PHACTR3: variants seen among roughly 807,000 people sequenced by gnomAD.
The protein encoded by PHACTR3 is phosphatase and actin regulator 3.
In PHACTR3, 16 loss-of-function variants were observed where a neutral mutation model predicts 66.8. The ratio of observed to expected loss-of-function variants is 0.24; its 90% CI spans 0.16 to 0.36. The LOEUF (loss-of-function observed/expected upper bound fraction) is 0.36, where lower values mean the gene tolerates loss of function less well. Among genes scored for constraint, PHACTR3 ranks in the 10% least tolerant of loss-of-function variants. PHACTR3 has a pLI of 1.00. For synonymous variants in PHACTR3, 323 were observed against 292.1 expected (o/e 1.11, Z -1.08); for missense variants, 647 against 719.9 (o/e 0.90, Z 1.16).
At chr20:59,778,390 T>C (rs1182499) in intron 7 of PHACTR3, among the ~76,000 whole-genome samples, 147,643 of 152,230 alleles carry the variant, frequency 0.97, 71,618 homozygotes, top group East Asian at 1. Flanking sequence ...CATGGGCCTC[T>C]TTGATGGTCC....
chr20:59,596,239 G>A (rs903831458), intron 1 of PHACTR3, among the ~76,000 whole-genome samples: 1 of 152,166 alleles, frequency 6.6e-6, no homozygotes, highest in Non-Finnish European at 1.5e-5. Context: ...AGATTCAAGC[G>A]ATTCTCCTGG....
At chr20:59,756,362 G>A (rs1257471405) in intron 4 of PHACTR3, among the ~76,000 whole-genome samples, 2 of 152,208 alleles carry the variant, frequency 1.3e-5, no homozygotes, top group Non-Finnish European at 2.9e-5. Flanking sequence ...CCCCAGGACA[G>A]CCTGCTGGGC....
intron 1 of PHACTR3, among the ~76,000 whole-genome samples, chr20:59,587,147 G>A (rs1196269083): frequency 6.6e-6 from 1 of 152,206 alleles, no homozygotes; most frequent in Non-Finnish European, 1.5e-5. Flanking sequence ...CCCCACAGGT[G>A]GGACCCCGTG....
chr20:59,689,066 A>G (rs1018763882), intron 1 of PHACTR3, among the ~76,000 whole-genome samples: 1 of 152,054 alleles, frequency 6.6e-6, no homozygotes. Flanking sequence ...AGATACCCAC[A>G]CTATCTCATG....
At chr20:59,646,206 G>C (rs967667419) in intron 1 of PHACTR3, among the ~76,000 whole-genome samples, 2 of 152,158 alleles carry the variant, frequency 1.3e-5, no homozygotes, top group African/African-American at 2.4e-5. Flanking sequence ...GTTAGTGGGA[G>C]CCCTGGGGCC....
intron 1 of PHACTR3, among the ~76,000 whole-genome samples, chr20:59,631,987 A>G (rs2034681481): frequency 6.6e-6 from 1 of 152,206 alleles, no homozygotes; most frequent in Non-Finnish European, 1.5e-5. Flanking sequence ...GGGCCTGAGC[A>G]AACACTGACC....
At chr20:59,742,060 C>T (rs2039179872) in intron 1 of PHACTR3, among the ~76,000 whole-genome samples, 1 of 152,218 alleles carries the variant, frequency 6.6e-6, no homozygotes, top group Admixed American at 6.5e-5. Flanking sequence ...TGTGCCCAGC[C>T]CCGGGGTTCC....
chr20:59,748,892 C>T (rs995003012), intron 3 of PHACTR3, among the ~76,000 whole-genome samples: 7 of 152,332 alleles, frequency 4.6e-5, no homozygotes, highest in South Asian at 4.1e-4. Flanking sequence ...ATGAAATAAA[C>T]GAATCCAGAT....
At chr20:59,809,852 C>G (rs763344536) in intron 8 of PHACTR3, among the ~76,000 whole-genome samples, 1 of 152,116 alleles carries the variant, frequency 6.6e-6, no homozygotes, top group Admixed American at 6.5e-5. Context: ...ACTTTATTTA[C>G]AAAAATAGCC....
chr20:59,730,576 T>G (rs1314121612), intron 1 of PHACTR3, among the ~76,000 whole-genome samples: 1 of 152,170 alleles, frequency 6.6e-6, no homozygotes, highest in Admixed American at 6.5e-5. Flanking sequence ...GTGAAAGTGA[T>G]GCTGGACTGC....
At chr20:59,748,852 C>T (rs1301015608) in intron 3 of PHACTR3, among the ~76,000 whole-genome samples, 1 of 152,140 alleles carries the variant, frequency 6.6e-6, no homozygotes, top group African/African-American at 2.4e-5. Context: ...TGTAATTTGG[C>T]CCAAATATCA....
chr20:59,615,385 C>T (rs982971127), intron 1 of PHACTR3, among the ~76,000 whole-genome samples: 1 of 152,150 alleles, frequency 6.6e-6, no homozygotes, highest in African/African-American at 2.4e-5. Context: ...GTGCATGGAG[C>T]ATGGTGTGAG....
In PHACTR3 at chr20:59,609,903, A is replaced by C. The variant is rs73301417; in HGVS notation, c.118+4771A>C. Among the ~76,000 whole-genome samples the C allele has an allele frequency of 5.5e-3, 843 of 152,346 alleles. 8 individuals carry two copies. Among genetic ancestry groups the C allele is most frequent in the African/African-American group, 0.019 (790 of 41,566 alleles). On this transcript the variant is annotated intron_variant, in intron 1 of 12. Coordinates refer to ENST00000371015, the MANE Select transcript of PHACTR3 (RefSeq NM_080672.5). The stretch of plus-strand genomic sequence containing the variant: ...AAAAATACTGAGTTTAAGAACTCAG[A>C]GCTTTTTTTTGATTATGAAAGCATT...
chr20:59,823,311 A>C (rs1315972555), intron 8 of PHACTR3, among the ~76,000 whole-genome samples: 1 of 152,086 alleles, frequency 6.6e-6, no homozygotes, highest in Non-Finnish European at 1.5e-5. Flanking sequence ...TAATCTGCAG[A>C]TATTACCTCC....
chr20:59,612,320 C>A (rs2145263), intron 1 of PHACTR3, among the ~76,000 whole-genome samples: 17,868 of 151,312 alleles, frequency 0.12, 1,460 homozygotes, highest in East Asian at 0.31. Context: ...GCTTCTTGCC[C>A]TGTGGAAATG....
intron 1 of PHACTR3, among the ~76,000 whole-genome samples, chr20:59,648,574 C>G (rs535561426): frequency 1.3e-5 from 2 of 152,242 alleles, no homozygotes; most frequent in Admixed American, 1.3e-4. Flanking sequence ...TCCCAGAGGC[C>G]AGGGATGGAG....
chr20:59,635,099 CTCTCTTTCTTTCTT>C (rs1422664514), intron 1 of PHACTR3, among the ~76,000 whole-genome samples: 49 of 125,910 alleles, frequency 3.9e-4, no homozygotes, highest in African/African-American at 1.4e-3. Context: ...CTTTCTTTCT[CTCTCTTTCTTTCTT>C]TCTTTCTTTC....
In PHACTR3 at chr20:59,738,405, G is replaced by A. The variant is rs373082204; in HGVS notation, c.119-4702G>A. 4.9e-4 allele frequency among the ~76,000 whole-genome samples: 74 copies of A among 152,234 alleles called. 1 individual carries two copies. The South Asian group carries it at 0.012, about 26-fold the overall frequency. ...ACTTGGATTTTGTCCTAAATGAGAAGGGAAGCGAGCAGGAAGTGATAGGGT... is the reference window on the plus strand; with the variant it reads ...ACTTGGATTTTGTCCTAAATGAGAAAGGAAGCGAGCAGGAAGTGATAGGGT... On this transcript the variant is annotated intron_variant, in intron 1 of 12. Transcript: ENST00000371015. This position sits in a 1 kb window ranked among gnomAD's most constrained non-coding sequence, Gnocchi z 4.4.
intron 1 of PHACTR3, among the ~76,000 whole-genome samples, chr20:59,613,016 C>T (rs917488368): frequency 4.6e-5 from 7 of 152,082 alleles, no homozygotes; most frequent in African/African-American, 1.7e-4. Flanking sequence ...CGAGAACTCC[C>T]TCAGCACCAA....
Sources: gnomAD v4.1 joint callset for allele counts (sites outside exome capture counted in the v4.1 genomes callset) on GRCh38, gnomAD v4.1.1 for gene constraint, Gnocchi (gnomAD v3.1) non-coding constraint, MANE v1.5 for transcripts, NCBI Gene and HGNC (gene_info 2026-07-23, HGNC 2026-07-21) for gene names.